Variants in GCNT2 observed in about 807,000 individuals in gnomAD.
GCNT2 encodes the protein glucosaminyl (N-acetyl) transferase 2 (I blood group), also known as N-acetyllactosaminide beta-1,6-N-acetylglucosaminyl-transferase.
Under a neutral mutation model 34.2 loss-of-function variants are expected in GCNT2, and 34 were observed. That is an observed-to-expected ratio of 1.00 (90% CI 0.76 to 1.32). The LOEUF (loss-of-function observed/expected upper bound fraction) is 1.32, where lower values mean the gene tolerates loss of function less well. GCNT2 is among the 40% of genes most tolerant of loss of function. GCNT2 has a pLI of 0.00. For synonymous variants in GCNT2, 212 were observed against 188.0 expected (o/e 1.13, Z -1.04); for missense variants, 584 against 489.4 (o/e 1.19, Z -1.82).
intron 3 of GCNT2, among the ~76,000 whole-genome samples, chr6:10,533,591 C>T (rs1458609883): frequency 6.6e-6 from 1 of 151,646 alleles, no homozygotes; most frequent in African/African-American, 2.4e-5. Flanking sequence ...AGTTTGAGAC[C>T]AGCCTGGCCA....
intron 3 of GCNT2, among the ~76,000 whole-genome samples, chr6:10,563,777 A>AATATATATATATATATATATAT (rs70991026): frequency 4.0e-5 from 1 of 24,712 alleles, no homozygotes; most frequent in Non-Finnish European, 7.6e-5. Flanking sequence ...AAAAAAAAAA[A>AATATATATATATATATATATAT]ATATATATAT....
At chr6:10,535,255 C>A (rs1214985014) in intron 3 of GCNT2, among the ~76,000 whole-genome samples, 2 of 152,172 alleles carry the variant, frequency 1.3e-5, no homozygotes, top group African/African-American at 4.8e-5. Flanking sequence ...ATAAGACTCT[C>A]TGCATGGCCT....
intron 3 of GCNT2, among the ~76,000 whole-genome samples, chr6:10,607,951 C>G (rs575564888): frequency 2.0e-5 from 3 of 152,236 alleles, no homozygotes; most frequent in African/African-American, 7.2e-5. Flanking sequence ...CACTTGAATC[C>G]TGCTTAGGTT....
intron 3 of GCNT2, among the ~76,000 whole-genome samples, chr6:10,565,050 G>A (rs2127389603): frequency 6.6e-6 from 1 of 152,332 alleles, no homozygotes; most frequent in Non-Finnish European, 1.5e-5. Flanking sequence ...CTCCCAAAAT[G>A]AGAGTGAGCC....
At chr6:10,531,071 G>C (rs1192509833) in intron 3 of GCNT2, among the ~76,000 whole-genome samples, 1 of 150,654 alleles carries the variant, frequency 6.6e-6, no homozygotes, top group Non-Finnish European at 1.5e-5. Context: ...TTCTAGACTA[G>C]TACCTCCATT....
chr6:10,559,659 GCATCC>G (rs1762883741), intron 3 of GCNT2, among the ~76,000 whole-genome samples: 2 of 152,362 alleles, frequency 1.3e-5, no homozygotes, highest in Admixed American at 1.3e-4. Context: ...TTTGGCAAGC[GCATCC>G]CATTTCCCTT....
chr6:10,615,516 G>A (rs1683769885), intron 3 of GCNT2, among the ~76,000 whole-genome samples: 1 of 152,118 alleles, frequency 6.6e-6, no homozygotes, highest in Non-Finnish European at 1.5e-5. Flanking sequence ...ATTTCTGTAT[G>A]TTGCCCAGGC....
At chr6:10,599,277 G>A (rs534635019) in intron 3 of GCNT2, among the ~76,000 whole-genome samples, 295 of 152,298 alleles carry the variant, frequency 1.9e-3, no homozygotes, top group African/African-American at 6.5e-3. Flanking sequence ...GTACTGCAAC[G>A]CTAGGAAACA....
intron 3 of GCNT2, chr6:10,556,300 C>A: frequency 6.5e-7 from 1 of 1,536,546 alleles, no homozygotes; most frequent in South Asian, 1.2e-5. Context: ...CGATTCCCAG[C>A]GTCTCCAACA....
At chr6:10,581,832 A>G in intron 3 of GCNT2, 3 of 985,058 alleles carry the variant, frequency 3.0e-6, no homozygotes, top group Non-Finnish European at 3.6e-6. Flanking sequence ...GCCAAGGACA[A>G]ATTTTACAGA....
intron 3 of GCNT2, among the ~76,000 whole-genome samples, chr6:10,544,838 G>A (rs1402524343): frequency 5.9e-5 from 9 of 151,632 alleles, no homozygotes; most frequent in Admixed American, 6.6e-5. Context: ...TGAGCTACTC[G>A]GGAGGCTGAG....
chr6:10,545,991 T>C (rs368057120), intron 3 of GCNT2, among the ~76,000 whole-genome samples: 5 of 152,294 alleles, frequency 3.3e-5, no homozygotes, highest in African/African-American at 1.2e-4. Flanking sequence ...CTTGATCTTT[T>C]CCCCATGTGT....
intron 3 of GCNT2, chr6:10,586,310 T>C: frequency 6.2e-7 from 1 of 1,614,236 alleles, no homozygotes; most frequent in South Asian, 1.1e-5. Flanking sequence ...ATAAGGACTT[T>C]GACACCTTTG....
chr6:10,589,048 TGTGTGTGTG>T (rs755203228), intron 3 of GCNT2, among the ~76,000 whole-genome samples: 7 of 136,046 alleles, frequency 5.1e-5, no homozygotes, highest in Non-Finnish European at 1.1e-4. Flanking sequence ...ATGTGTATGG[TGTGTGTGTG>T]GTGTGTGTGT....
In GCNT2 at chr6:10,571,158, A is replaced by G. The variant is rs192120400; in HGVS notation, c.925+41322A>G. 1.8e-3 allele frequency among the ~76,000 whole-genome samples: 269 copies of G among 152,238 alleles called. 2 individuals carry two copies. The highest frequency in any genetic ancestry group is 6.0e-3 in the African/African-American group (250 of 41,554). On this transcript the variant is annotated intron_variant, in intron 3 of 4. Coordinates refer to ENST00000495262, the MANE Select transcript of GCNT2 (RefSeq NM_145649.5). Reference sequence around the variant, plus strand: ...GTCCTGCTCCTTAAAATGAGTTTACATTTTTTAGCCTCACTGCCTATTTCT... The same window carrying G: ...GTCCTGCTCCTTAAAATGAGTTTACGTTTTTTAGCCTCACTGCCTATTTCT...
chr6:10,596,203 A>G (rs1392045368), intron 3 of GCNT2, among the ~76,000 whole-genome samples: 7 of 152,102 alleles, frequency 4.6e-5, no homozygotes, highest in African/African-American at 1.7e-4. Context: ...TAGGCATTCA[A>G]AGTAGGAGGC....
At chr6:10,565,839 C>T (rs982959762) in intron 3 of GCNT2, among the ~76,000 whole-genome samples, 1 of 152,128 alleles carries the variant, frequency 6.6e-6, no homozygotes, top group Non-Finnish European at 1.5e-5. Flanking sequence ...TAACTAGTTT[C>T]CCTGTTCCGT....
In GCNT2 at chr6:10,556,976, G is replaced by A. The variant is rs764763524; in HGVS notation, c.925+27140G>A. Reference sequence around the variant, plus strand: ...TGCCTTCGAGGTCTCATGGAAGTACGTTATCAACACCTGTGGGCAAGACTT... The same window carrying A: ...TGCCTTCGAGGTCTCATGGAAGTACATTATCAACACCTGTGGGCAAGACTT... On this transcript the variant is annotated intron_variant, in intron 3 of 4. Coordinates refer to ENST00000495262, the MANE Select transcript of GCNT2 (RefSeq NM_145649.5). The A allele has an allele frequency of 9.3e-6, 15 of 1,613,776 alleles. No homozygotes were observed. The highest frequency in any genetic ancestry group is 1.6e-4 in the Middle Eastern group (1 of 6,082).
intron 3 of GCNT2, among the ~76,000 whole-genome samples, chr6:10,602,501 G>C (rs1765129577): frequency 6.6e-6 from 1 of 152,216 alleles, no homozygotes; most frequent in Admixed American, 6.5e-5. Flanking sequence ...CTGCCCTGCT[G>C]TTCTTTATAA....
Sources: allele counts gnomAD v4.1 joint callset (sites outside exome capture counted in the v4.1 genomes callset), GRCh38; gene constraint gnomAD v4.1.1; transcripts MANE v1.5; gene names NCBI Gene and HGNC (gene_info 2026-07-23, HGNC 2026-07-21).